The following ENPP1 variants were observed in gnomAD, a reference collection of about 807,000 sequenced individuals.
ENPP1 encodes the protein ectonucleotide pyrophosphatase/phosphodiesterase 1, also known as ectonucleotide pyrophosphatase/phosphodiesterase family member 1.
ENPP1 carries 73 observed loss-of-function variants against 122.8 expected under a neutral mutation model. That is an observed-to-expected ratio of 0.59 (90% CI 0.49 to 0.72). The LOEUF is 0.72. ENPP1 is among the 30% of genes least tolerant of loss of function. The pLI, the probability that ENPP1 is intolerant of heterozygous loss-of-function variation, is 0.00. For missense variants in ENPP1, 978 were observed against 1,128.1 expected, an observed-to-expected ratio of 0.87 and a Z score of 1.91; for synonymous variants, 367 against 391.6, an observed-to-expected ratio of 0.94 and a Z score of 0.74.
At chr6:131,808,477 A>T (rs943020141) in intron 1 of ENPP1, among the ~76,000 whole-genome samples, 1 of 152,208 alleles carries the variant, frequency 6.6e-6, no homozygotes. Flanking sequence ...TTGCCAGGGC[A>T]GGATGGTTCA....
chr6:131,867,915 CTTTGTTTCTTTCT>C, intron 11 of ENPP1, 90 bp from the exon 12 acceptor site: 3 of 812,494 alleles, frequency 3.7e-6, no homozygotes. Flanking sequence ...TTCTTTCTTT[CTTTGTTTCTTTCT>C]TTTTTTTTTT....
At chr6:131,816,420 G>A (rs1290149434) in intron 1 of ENPP1, among the ~76,000 whole-genome samples, 2 of 152,142 alleles carry the variant, frequency 1.3e-5, no homozygotes, top group Non-Finnish European at 2.9e-5. Context: ...TGAGCTCAGG[G>A]CCGAACATAG....
chr6:131,864,735 T>A, intron 10 of ENPP1, 131 bp from the exon 11 acceptor site: 1 of 813,970 alleles, frequency 1.2e-6, no homozygotes, highest in Non-Finnish European at 2.1e-6. Context: ...TTCAAAGCTG[T>A]AAATTATTTC....
At chr6:131,873,439 T>G (rs1782188240) in intron 15 of ENPP1, among the ~76,000 whole-genome samples, 1 of 152,188 alleles carries the variant, frequency 6.6e-6, no homozygotes, top group Non-Finnish European at 1.5e-5. Context: ...CTTCTTACAA[T>G]CTACATTTGT....
chr6:131,815,030 G>C (rs1041301225), intron 1 of ENPP1, among the ~76,000 whole-genome samples: 2 of 152,172 alleles, frequency 1.3e-5, no homozygotes, highest in East Asian at 3.9e-4. Context: ...TGATGGTCAG[G>C]AATCCACATA....
At chr6:131,865,311 C>T (rs1449172154) in intron 11 of ENPP1, among the ~76,000 whole-genome samples, 1 of 152,168 alleles carries the variant, frequency 6.6e-6, no homozygotes, top group Non-Finnish European at 1.5e-5. Context: ...CAGAGGAAGC[C>T]TCCTATGAAC....
At chr6:131,851,405 T>C in intron 4 of ENPP1, 138 bp downstream of exon 4, 1 of 1,103,336 alleles carries the variant, frequency 9.1e-7, no homozygotes, top group South Asian at 1.4e-5. Context: ...TTTTAAAACT[T>C]TTTATTAAAG....
In ENPP1 at chr6:131,808,295, C is replaced by A. The variant is rs939809009; in HGVS notation, c.240+20C>A. On this transcript the variant is annotated intron_variant, in intron 1 of 24. Coordinates refer to ENST00000647893, the MANE Select transcript of ENPP1 (RefSeq NM_006208.3). ...TCGCTGGTAGGTCCGCGGCCAGGCC[C>A]CGGCGCCCGGGAGGGCTGGGAGTAC... 3 of 1,483,572 alleles carry A rather than the reference C, an allele frequency of 2.0e-6. No homozygotes were observed. The highest frequency in any genetic ancestry group is 2.7e-6 in the Non-Finnish European group (3 of 1,112,226). The allele number at this position is 1,483,572 out of a possible 1,614,324, so 91.9% of individuals were successfully genotyped here.
chr6:131,852,763 T>G (rs1739554489), intron 5 of ENPP1, among the ~76,000 whole-genome samples: 2 of 152,206 alleles, frequency 1.3e-5, no homozygotes, highest in Admixed American at 1.3e-4. Context: ...TTGGAGTTTT[T>G]AGAGCTGCTA....
chr6:131,851,025 C>A (rs1290837799), intron 3 of ENPP1, 117 bp from the exon 4 acceptor site: 4 of 1,137,668 alleles, frequency 3.5e-6, no homozygotes, highest in Non-Finnish European at 5.3e-6. Context: ...TGACTAAGAG[C>A]TGTGAAATTG....
chr6:131,885,490 A>G (rs1782365423), intron 23 of ENPP1, among the ~76,000 whole-genome samples: 1 of 152,114 alleles, frequency 6.6e-6, no homozygotes. Flanking sequence ...GCCTTGGGTG[A>G]ATGTTATGGC....
At chr6:131,808,847 TTCTTTGCCCAC>T (rs1781314964) in intron 1 of ENPP1, among the ~76,000 whole-genome samples, 1 of 152,224 alleles carries the variant, frequency 6.6e-6, no homozygotes, top group South Asian at 2.1e-4. Context: ...ACCTTTATGA[TTCTTTGCCCAC>T]TCTTCTAACC....
intron 12 of ENPP1, 53 bp downstream of exon 12, chr6:131,868,179 T>C: frequency 7.4e-7 from 1 of 1,350,256 alleles, no homozygotes; most frequent in East Asian, 2.3e-5. Flanking sequence ...GAAGAAAGTT[T>C]ACTTGATGGT....
chr6:131,825,861 A>G, intron 1 of ENPP1: 1 of 260,702 alleles, frequency 3.8e-6, no homozygotes, highest in East Asian at 7.3e-5. Flanking sequence ...TTAATTACTA[A>G]TTTTTTTCAT....
At chr6:131,834,528 C>CTTT (rs34437450) in intron 1 of ENPP1, among the ~76,000 whole-genome samples, 2 of 133,086 alleles carry the variant, frequency 1.5e-5, no homozygotes, top group Non-Finnish European at 1.6e-5. Flanking sequence ...AGGTAATAGT[C>CTTT]TTTTTTTTTT....
intron 24 of ENPP1, 120 bp downstream of exon 24, chr6:131,886,844 A>C: frequency 1.4e-6 from 1 of 701,294 alleles, no homozygotes; most frequent in Non-Finnish European, 2.4e-6. Context: ...ATGGACTTCG[A>C]AATTATAGGA....
chr6:131,824,442 T>TTTG (rs140923936), intron 1 of ENPP1, among the ~76,000 whole-genome samples: 4,906 of 132,514 alleles, frequency 0.037, 238 homozygotes, highest in African/African-American at 0.11. Flanking sequence ...CCAGGCAGGA[T>TTTG]TTGTTGTTGT....
chr6:131,819,959 C>A (rs878998395), intron 1 of ENPP1: 1 of 492,456 alleles, frequency 2.0e-6, no homozygotes, highest in Non-Finnish European at 3.8e-6. Context: ...TTTTTCGCAT[C>A]TTGCTGAAGC....
intron 4 of ENPP1, 30 bp downstream of exon 4, chr6:131,851,297 C>T (rs748460070): frequency 1.5e-5 from 24 of 1,613,836 alleles, no homozygotes; most frequent in Non-Finnish European, 1.9e-5. Context: ...CTGCAGCAGC[C>T]TGGTATCTTC....
Sources: gnomAD v4.1 joint callset for allele counts (sites outside exome capture counted in the v4.1 genomes callset) on GRCh38, gnomAD v4.1.1 for gene constraint, MANE v1.5 for transcripts, NCBI Gene and HGNC (gene_info 2026-07-23, HGNC 2026-07-21) for gene names.